The following TSFM variants were observed in gnomAD, a reference collection of about 807,000 sequenced individuals.
TSFM encodes Ts translation elongation factor, mitochondrial.
TSFM carries 29 observed loss-of-function variants against 33.4 expected under a neutral mutation model. The ratio of observed to expected loss-of-function variants is 0.87; its 90% CI spans 0.65 to 1.18. The LOEUF is 1.18. TSFM is among the 50% of genes most tolerant of loss of function. The pLI, the probability that TSFM is intolerant of heterozygous loss-of-function variation, is 0.00. For missense variants in TSFM, 394 were observed against 395.6 expected, an observed-to-expected ratio of 1.00 and a Z score of 0.04; for synonymous variants, 178 against 163.5, an observed-to-expected ratio of 1.09 and a Z score of -0.68.
chr12:57,787,255 G>A lies in TSFM; in HGVS notation c.483+93G>A, dbSNP rs1039640163. On this transcript the variant is annotated intron_variant, in intron 4 of 5. Transcript: ENST00000652027. Reference sequence around the variant, plus strand: ...TGTAGACATTCTCATGTCTCATTCTGTTACTTCACATCTCTGCTTAAATGC... The same window carrying A: ...TGTAGACATTCTCATGTCTCATTCTATTACTTCACATCTCTGCTTAAATGC... 3 of 1,263,646 alleles carry A rather than the reference G, an allele frequency of 2.4e-6. No individual in the cohort carries two copies. The African/African-American group carries it at 4.5e-5, about 19-fold the overall frequency. 78.3% of individuals were successfully genotyped at this position (1,263,646 alleles called of 1,614,324 possible).
chr12:57,784,734 G>T (rs1476116989), intron 2 of TSFM, among the ~76,000 whole-genome samples: 5 of 151,656 alleles, frequency 3.3e-5, no homozygotes, highest in Non-Finnish European at 7.4e-5. Context: ...AATAAAATTA[G>T]CCTGGTGTGG....
Position 57,797,563 on chromosome 12 carries a change from G to A in TSFM, c.*980G>A. On this transcript the variant is annotated 3_prime_UTR_variant, in exon 6 of 6. Coordinates refer to ENST00000652027, the MANE Select transcript of TSFM (RefSeq NM_005726.6). ...GTCCTGGTATAATATTAAACATAAA[G>A]TTATTAAACATTTTAAGCATTGTTT... 2.2e-6 allele frequency: 2 copies of A among 913,958 alleles called. No individual in the cohort carries two copies. The highest frequency in any genetic ancestry group is 2.6e-6 in the Non-Finnish European group (2 of 762,940). 56.6% of individuals were successfully genotyped at this position (913,958 alleles called of 1,614,324 possible).
rs563367121 is a variant in TSFM, at chr12:57,783,045, C to G, written c.58-65C>G. On this transcript the variant is annotated intron_variant, in intron 1 of 5. Transcript: ENST00000652027. ...CGCTCCCTAAGGTCGCTTCCCTGCC[C>G]GTGTACCCTTCACCCTCTGGAGTTT... is the stretch of plus-strand genomic sequence containing the variant. The G allele has an allele frequency of 1.4e-5, 22 of 1,557,830 alleles. No individual in the cohort carries two copies. In the East Asian group the frequency reaches 2.5e-4, roughly 17 times the overall value.
chr12:57,800,897 C>T (rs190045998), downstream of TSFM, among the ~76,000 whole-genome samples: 7 of 152,290 alleles, frequency 4.6e-5, no homozygotes, highest in South Asian at 2.1e-4. Flanking sequence ...CATGAGCCAC[C>T]GCGCCCGGCC....
At chr12:57,799,702 T>C, downstream of TSFM, 2 of 1,545,268 alleles carry the variant, frequency 1.3e-6, no homozygotes, top group Non-Finnish European at 1.8e-6. Flanking sequence ...GCGGCTACAA[T>C]GTGCCGGAGC....
rs1228583830 is a variant in TSFM at position 57,783,700 on chromosome 12, T to G, written c.231+417T>G. 3 of 590,862 alleles carry G rather than the reference T, an allele frequency of 5.1e-6. No homozygotes were observed. In the East Asian group the frequency reaches 1.1e-4, roughly 21 times the overall value. 36.6% of individuals were successfully genotyped at this position (590,862 alleles called of 1,614,324 possible). A position where few individuals can be genotyped will look rare whatever the true frequency, so the allele number is the denominator to read the frequency against. The stretch of plus-strand genomic sequence containing the variant: ...CCTCCGCCTCCCGGGTTCAAGCGAT[T>G]CTCCTGCCTCAGCCTCCTGAGTAGT... On this transcript the variant is annotated intron_variant, in intron 2 of 5. Coordinates refer to ENST00000652027, the MANE Select transcript of TSFM (RefSeq NM_005726.6).
At chr12:57,801,078 A>G (rs761509126), downstream of TSFM, 205 of 1,355,202 alleles carry the variant, frequency 1.5e-4, no homozygotes, top group Non-Finnish European at 2.0e-4. Flanking sequence ...CATCTGTAGC[A>G]TTTGTGTGTT....
downstream of TSFM, chr12:57,801,160 A>T (rs555506555): frequency 6.2e-7 from 1 of 1,613,784 alleles, no homozygotes; most frequent in Admixed American, 1.7e-5. Context: ...GATTCGCATG[A>T]TAGCAGCAGC....
chr12:57,791,338 A>G (rs1257735082), intron 4 of TSFM, among the ~76,000 whole-genome samples: 4 of 152,190 alleles, frequency 2.6e-5, no homozygotes, highest in Admixed American at 1.3e-4. Flanking sequence ...TTTTGAATAC[A>G]TAAGATACAT....
chr12:57,802,548 CT>C (rs1955871931), downstream of TSFM: 3 of 752,270 alleles, frequency 4.0e-6, no homozygotes, highest in Non-Finnish European at 7.0e-6. Context: ...CTATGTGTAT[CT>C]TCCAGGTCTG....
intron 2 of TSFM, among the ~76,000 whole-genome samples, chr12:57,784,916 C>CTTTTTTT (rs1164168295): frequency 3.8e-5 from 3 of 79,144 alleles, no homozygotes; most frequent in Non-Finnish European, 4.8e-5. Context: ...ATTGAAATAT[C>CTTTTTTT]TTTTTTTTTT....
Position 57,796,330 on chromosome 12 carries a change from C to T in TSFM, c.725C>T (p.Thr242Met), listed in dbSNP as rs188794079. 89 of 1,609,844 alleles carry T rather than the reference C, an allele frequency of 5.5e-5. No homozygotes were observed. The highest frequency in any genetic ancestry group is 4.7e-4 in the Admixed American group (28 of 59,160). Reference sequence around the variant, plus strand: ...TATGGGGCCCTGGTCATCTGTGAGACGTCTGAACAGAAAACAAACCTTGAA... The same window carrying T: ...TATGGGGCCCTGGTCATCTGTGAGATGTCTGAACAGAAAACAAACCTTGAA... ...GKYGALVICE[T>M]SEQKTNLEDV... Residue 242 changes from threonine to methionine, a missense_variant, in exon 6 of 6, where the codon ACG (threonine) becomes ATG (methionine). By Grantham distance (81) the Thr-to-Met change is moderately conservative. Transcript: ENST00000652027.
At position 57,796,885 on chromosome 12, in the gene TSFM, TTCTG is replaced by T. The variant is rs1306123918; in HGVS notation, c.*306_*309del. ...ATTTCTGAAATTTCTAACTTATATG[TTCTG>T]TCTTACACCTTTTATGACATAGAAC... On this transcript the variant is annotated 3_prime_UTR_variant, in exon 6 of 6. Coordinates refer to ENST00000652027, the MANE Select transcript of TSFM (RefSeq NM_005726.6). 1 of 1,038,372 alleles carries T rather than the reference TTCTG, an allele frequency of 9.6e-7. No individual in the cohort carries two copies. Among genetic ancestry groups the T allele is most frequent in the African/African-American group, 1.7e-5 (1 of 59,336 alleles). The allele number at this position is 1,038,372 out of a possible 1,614,324, so 64.3% of individuals were successfully genotyped here.
downstream of TSFM, chr12:57,799,997 T>C: frequency 6.4e-7 from 1 of 1,550,428 alleles, no homozygotes; most frequent in Non-Finnish European, 8.8e-7. Context: ...ATGTGTATAA[T>C]ATTTAACATT....
Position 57,782,844 on chromosome 12 carries a change from A to G in TSFM, c.43A>G (p.Thr15Ala). The change falls in exon 1 of 6, where the codon ACC (threonine) becomes GCC (alanine). Residue 15 changes from threonine to alanine, a missense_variant. Thr to Ala is a moderately conservative substitution (Grantham distance 58). Around this residue, in one of 3 missense-constraint regions of TSFM, gnomAD observed 208 missense variants for 180.4 expected, o/e 1.15. Transcript: ENST00000652027. ...RSLRVFLVAR[T>A]GSYPAGSLLR... ...GCTGCGCGTGTTTCTGGTCGCGCGG[A>G]CCGGGAGCTACCCGGTGAGAAGTCC... 1.9e-6 allele frequency: 3 copies of G among 1,594,446 alleles called. No homozygotes were observed. The highest frequency in any genetic ancestry group is 2.6e-6 in the Non-Finnish European group (3 of 1,171,316).
intron 5 of TSFM, among the ~76,000 whole-genome samples, chr12:57,795,565 C>T (rs188649387): frequency 6.6e-6 from 1 of 152,216 alleles, no homozygotes; most frequent in African/African-American, 2.4e-5. Flanking sequence ...AGAACTGAGA[C>T]CTGAGTCACA....
intron 3 of TSFM, among the ~76,000 whole-genome samples, 194 bp from the exon 4 acceptor site, chr12:57,786,846 A>C (rs553916032): frequency 6.6e-6 from 1 of 152,348 alleles, no homozygotes; most frequent in South Asian, 2.1e-4. Flanking sequence ...TTGCTAACTC[A>C]CTGGCCCAAC....
At chr12:57,794,545 C>T (rs1246608434) in intron 5 of TSFM, among the ~76,000 whole-genome samples, 1 of 152,026 alleles carries the variant, frequency 6.6e-6, no homozygotes, top group African/African-American at 2.4e-5. Context: ...GGACTTTTTC[C>T]GGATAGAAGG....
chr12:57,801,727 C>T (rs567008594), downstream of TSFM, among the ~76,000 whole-genome samples: 1 of 151,556 alleles, frequency 6.6e-6, no homozygotes, highest in East Asian at 1.9e-4. Context: ...ACAACAAGAG[C>T]GAAATTCTGT....
Sources: allele counts gnomAD v4.1 joint callset (sites outside exome capture counted in the v4.1 genomes callset), GRCh38; gene constraint gnomAD v4.1.1; regional missense constraint gnomAD v4.1.1; transcripts MANE v1.5; gene names NCBI Gene and HGNC (gene_info 2026-07-23, HGNC 2026-07-21).